MLN: variants seen among roughly 807,000 people sequenced by gnomAD.
The protein encoded by MLN is promotilin.
Under a neutral mutation model 13.3 loss-of-function variants are expected in MLN, and 14 were observed. The observed-to-expected ratio is 1.05, with a 90% CI of 0.69 to 1.64. The LOEUF (loss-of-function observed/expected upper bound fraction) is 1.64, where lower values mean the gene tolerates loss of function less well. MLN is among the 40% of genes most tolerant of loss of function. The pLI is 0.00. For synonymous variants in MLN, 59 were observed against 54.7 expected (o/e 1.08, Z -0.34); for missense variants, 122 against 142.9 (o/e 0.85, Z 0.75).
Position 33,795,563 on chromosome 6 carries a change from G to C in MLN, c.277C>G (p.Gln93Glu), listed in dbSNP as rs759763702. The change falls in exon 4 of 5, where the codon CAG becomes GAG. Residue 93 changes from glutamine to glutamate, a missense_variant. Transcript: ENST00000430124. ...AGGGTGGCCGGGTACTTTTCCAGCT[G>C]TCTGGAGTTCATCCTCATTCCAATT... The part of the protein sequence containing the change: ...LEIGMRMNSR[Q>E]LEKYPATLEG... 4 of 1,566,668 alleles carry C rather than the reference G, an allele frequency of 2.6e-6. No homozygotes were observed. The highest frequency in any genetic ancestry group is 3.5e-6 in the Non-Finnish European group (4 of 1,154,060).
rs542497842 is a variant in MLN, at chr6:33,798,238, G to A, written c.234+867C>T. Among the ~76,000 whole-genome samples, 38 of 152,168 alleles carry A rather than the reference G, an allele frequency of 2.5e-4. No homozygotes were observed. In the South Asian group the frequency reaches 6.4e-3, roughly 26 times the overall value. ...ACCTTGTTTGTGGTCTGTTTCAGTC[G>A]TCCTAGGATCTTGTTTCTTCTTTCC... On this transcript the variant is annotated intron_variant, in intron 3 of 4. Transcript: ENST00000430124.
Position 33,795,552 on chromosome 6 carries a change from C to A in MLN, c.288G>T (p.Lys96Asn). ...GMRMNSRQLE[K>N]YPATLEGLLS... is the part of the protein sequence containing the mutation. ...GCAGCCCTTCCAGGGTGGCCGGGTA[C>A]TTTTCCAGCTGTCTGGAGTTCATCC... The change falls in exon 4 of 5, where the codon AAG becomes AAT. Residue 96 changes from lysine to asparagine, a missense_variant. Coordinates refer to ENST00000430124, the MANE Select transcript of MLN (RefSeq NM_002418.3). 6.4e-7 allele frequency: 1 copy of A among 1,567,568 alleles called. No individual in the cohort carries two copies.
intron 3 of MLN, among the ~76,000 whole-genome samples, chr6:33,797,866 G>A (rs1430159841): frequency 1.6e-4 from 24 of 152,016 alleles, no homozygotes; most frequent in Admixed American, 7.2e-4. Context: ...AACCCCCAAG[G>A]CTCCACTTCA....
intron 1 of MLN, among the ~76,000 whole-genome samples, chr6:33,801,852 G>A (rs1198218809): frequency 6.6e-6 from 1 of 152,268 alleles, no homozygotes; most frequent in African/African-American, 2.4e-5. Context: ...ACAGCAGGGA[G>A]CAGGCTTCCT....
At position 33,802,547 on chromosome 6, in the gene MLN, C is replaced by T. The variant is rs148305998; in HGVS notation, c.-7-1377G>A. On this transcript the variant is annotated intron_variant, in intron 1 of 4. Transcript: ENST00000430124. ...ACCTGTCTCCTCAGTCATCTGAAAC[C>T]ACCCTACCACGCCAGACGCTCCCTC... Among the ~76,000 whole-genome samples the T allele has an allele frequency of 8.9e-4, 136 of 152,314 alleles. 1 individual carries two copies. The highest frequency in any genetic ancestry group is 3.4e-3 in the Middle Eastern group (1 of 294).
At chr6:33,795,455 G>T in intron 4 of MLN, 48 bp downstream of exon 4, 1 of 1,461,714 alleles carries the variant, frequency 6.8e-7, no homozygotes, top group Non-Finnish European at 9.4e-7. Flanking sequence ...TTAACGCCAG[G>T]GTGGGCGGAG....
At chr6:33,798,345 T>A (rs1767969820) in intron 3 of MLN, among the ~76,000 whole-genome samples, 1 of 152,196 alleles carries the variant, frequency 6.6e-6, no homozygotes, top group Non-Finnish European at 1.5e-5. Context: ...GCCTCAGACC[T>A]AGTAGGGGTT....
Position 33,802,892 on chromosome 6 carries a change from A to G in MLN, c.-8+1061T>C, listed in dbSNP as rs570567503. Among the ~76,000 whole-genome samples, 5 of 152,302 alleles carry G rather than the reference A, an allele frequency of 3.3e-5. No homozygotes were observed. The South Asian group carries it at 1.0e-3, about 32-fold the overall frequency. ...TCTGGGGCCTGCTTTTCCCCCCAGC[A>G]GAGACGGATGTGTCACATTTATGGC... On this transcript the variant is annotated intron_variant, in intron 1 of 4. Transcript: ENST00000430124.
chr6:33,798,636 C>T (rs571223034), intron 3 of MLN, among the ~76,000 whole-genome samples: 3 of 152,346 alleles, frequency 2.0e-5, no homozygotes, highest in Admixed American at 6.5e-5. Flanking sequence ...GCATGCAGGC[C>T]CTGCCTGGGC....
intron 2 of MLN, among the ~76,000 whole-genome samples, chr6:33,800,519 C>G (rs569699614): frequency 6.6e-6 from 1 of 152,340 alleles, no homozygotes; most frequent in South Asian, 2.1e-4. Context: ...TCTCAAGGCC[C>G]CCAGCTGAGT....
Position 33,801,131 on chromosome 6 carries a change from C to T in MLN, c.33G>A (p.Leu11=). The change falls in exon 2 of 5, where the codon CTG becomes CTA. Residue 11 remains leucine (L), a synonymous_variant. Transcript: ENST00000430124. The stretch of plus-strand genomic sequence containing the variant: ...CCAGCATGGCAGCTACATGCACCAC[C>T]AGCAGAGCAGCCACAGCCTTACGGG... MVSRKAVAAL[L]VVHVAAMLAS... 1 of 1,614,016 alleles carries T rather than the reference C, an allele frequency of 6.2e-7. No individual in the cohort carries two copies. The highest frequency in any genetic ancestry group is 1.1e-5 in the South Asian group (1 of 91,078).
In MLN at chr6:33,803,307, C is replaced by CTT. The variant is rs535908944; in HGVS notation, c.-8+644_-8+645dup. Among the ~76,000 whole-genome samples the CTT allele has an allele frequency of 0.26, 35,161 of 135,956 alleles. 5,324 individuals are homozygous for CTT. Among genetic ancestry groups the CTT allele is most frequent in the East Asian group, 0.62 (2,837 of 4,576 alleles). The allele number at this position is 135,956 out of a possible 152,430, so 89.2% of individuals were successfully genotyped here. On this transcript the variant is annotated intron_variant, in intron 1 of 4. Transcript: ENST00000430124. This position sits in a 1 kb window ranked among gnomAD's most constrained non-coding sequence, Gnocchi z 4.5. ...CTTTTTCTTTTCCTTTTCTTTTCTT[C>CTT]TTTTTTTTTTTTTTTTCTGAGATGG...
rs189432209 is a variant in MLN at position 33,796,483 on chromosome 6, C to A, written c.235-878G>T. ...AGGGCGCTGATTGATCTCCCCGTCCCCGCTCCGCAGAGCTTCCTGGATCAA... is the reference window on the plus strand; with the variant it reads ...AGGGCGCTGATTGATCTCCCCGTCCACGCTCCGCAGAGCTTCCTGGATCAA... On this transcript the variant is annotated intron_variant, in intron 3 of 4. Coordinates refer to ENST00000430124, the MANE Select transcript of MLN (RefSeq NM_002418.3). Among the ~76,000 whole-genome samples the A allele has an allele frequency of 4.6e-4, 70 of 152,350 alleles. No homozygotes were observed. The East Asian group carries it at 0.014, about 29-fold the overall frequency.
Position 33,799,611 on chromosome 6 carries a change from C to G in MLN, c.118-390G>C, listed in dbSNP as rs1195928297. Among the ~76,000 whole-genome samples, 1 of 152,260 alleles carries G rather than the reference C, an allele frequency of 6.6e-6. No individual in the cohort carries two copies. Among genetic ancestry groups the G allele is most frequent in the Non-Finnish European group, 1.5e-5 (1 of 68,022 alleles). On this transcript the variant is annotated intron_variant, in intron 2 of 4. Transcript: ENST00000430124. The surrounding 1 kb of genome is among the most constrained non-coding windows in gnomAD (Gnocchi z 4.6). ...TAAAAAAGGTAGTGAGACAGCCTAG[C>G]CTGGGAGGGTGCCATGGGGTGGCCC...
rs1401972015 is a variant in MLN at position 33,803,598 on chromosome 6, A to G, written c.-8+355T>C. ...TGGGATTACAGGCATGAGCCACTGC[A>G]GGGCCAAATTTTTCTTACCTTTCCA... On this transcript the variant is annotated intron_variant, in intron 1 of 4. Transcript: ENST00000430124. The surrounding 1 kb of genome is among the most constrained non-coding windows in gnomAD (Gnocchi z 4.5). Among the ~76,000 whole-genome samples the G allele has an allele frequency of 1.3e-5, 2 of 152,142 alleles. No individual in the cohort carries two copies. Among genetic ancestry groups the G allele is most frequent in the Non-Finnish European group, 2.9e-5 (2 of 68,022 alleles).
Position 33,801,121 on chromosome 6 carries a change from C to T in MLN, c.43G>A (p.Val15Ile), listed in dbSNP as rs149413149. 303 of 1,613,914 alleles carry T rather than the reference C, an allele frequency of 1.9e-4. No individual in the cohort carries two copies. The highest frequency in any genetic ancestry group is 2.7e-4 in the Admixed American group (16 of 60,010). The change falls in exon 2 of 5, where the codon GTA (valine) becomes ATA (isoleucine). Residue 15 changes from valine to isoleucine, a missense_variant. Coordinates refer to ENST00000430124, the MANE Select transcript of MLN (RefSeq NM_002418.3). ...KAVAALLVVH[V>I]AAMLASQTEA... is the part of the protein sequence containing the mutation. ...GTCTGGGAGGCCAGCATGGCAGCTACATGCACCACCAGCAGAGCAGCCACA... is the reference window on the plus strand; with the variant it reads ...GTCTGGGAGGCCAGCATGGCAGCTATATGCACCACCAGCAGAGCAGCCACA...
At chr6:33,802,196 G>C (rs908199964) in intron 1 of MLN, among the ~76,000 whole-genome samples, 4 of 152,182 alleles carry the variant, frequency 2.6e-5, no homozygotes, top group Non-Finnish European at 4.4e-5. Flanking sequence ...GCCCATAGTA[G>C]GCAGAGGAAG....
rs995823098 is a variant in MLN, at chr6:33,803,212, G to A, written c.-8+741C>T. On this transcript the variant is annotated intron_variant, in intron 1 of 4. Coordinates refer to ENST00000430124, the MANE Select transcript of MLN (RefSeq NM_002418.3). This position sits in a 1 kb window ranked among gnomAD's most constrained non-coding sequence, Gnocchi z 4.5. Reference sequence around the variant, plus strand: ...CCAGCTCTGCATGAAGGGGGTGACCGTCTGCCCTCCCTTGCAGCACCCCTG... The same window carrying A: ...CCAGCTCTGCATGAAGGGGGTGACCATCTGCCCTCCCTTGCAGCACCCCTG... Among the ~76,000 whole-genome samples the A allele has an allele frequency of 1.3e-5, 2 of 152,140 alleles. No individual in the cohort carries two copies. Among genetic ancestry groups the A allele is most frequent in the Middle Eastern group, 3.4e-3 (1 of 294 alleles).
intron 4 of MLN, among the ~76,000 whole-genome samples, chr6:33,795,131 G>A (rs1767882705): frequency 6.6e-6 from 1 of 152,200 alleles, no homozygotes; most frequent in African/African-American, 2.4e-5. Flanking sequence ...CAGGTAACTC[G>A]GGCAGACCTT....
Sources: allele counts gnomAD v4.1 joint callset (sites outside exome capture counted in the v4.1 genomes callset), GRCh38; gene constraint gnomAD v4.1.1; non-coding constraint Gnocchi (gnomAD v3.1); transcripts MANE v1.5; gene names NCBI Gene and HGNC (gene_info 2026-07-23, HGNC 2026-07-21).